Variants in ZFAND6 observed in about 807,000 individuals in gnomAD.
The protein encoded by ZFAND6 is zinc finger AN1-type containing 6.
In ZFAND6, 12 loss-of-function variants were observed where a neutral mutation model predicts 24.5. That is an observed-to-expected ratio of 0.49 (90% CI 0.31 to 0.79). ZFAND6 has a LOEUF of 0.79. Ranked by LOEUF, ZFAND6 falls within the 30% of genes least tolerant of loss-of-function variation. The pLI is 0.04. For missense variants in ZFAND6, 207 were observed against 245.9 expected (o/e 0.84, Z 1.06); for synonymous variants, 92 against 81.5 (o/e 1.13, Z -0.69).
At chr15:80,068,868 A>G (rs1343362767) in intron 1 of ZFAND6, among the ~76,000 whole-genome samples, 1 of 152,264 alleles carries the variant, frequency 6.6e-6, no homozygotes, top group East Asian at 1.9e-4. Flanking sequence ...GTACAGTGGT[A>G]GGGACTATAT....
intron 1 of ZFAND6, among the ~76,000 whole-genome samples, chr15:80,092,795 T>C (rs903082331): frequency 2.0e-5 from 3 of 152,174 alleles, no homozygotes; most frequent in African/African-American, 7.2e-5. Context: ...ATAGCTATTA[T>C]TTTGAGCATT....
intron 1 of ZFAND6, among the ~76,000 whole-genome samples, chr15:80,092,347 G>A (rs2038430638): frequency 6.7e-6 from 1 of 148,856 alleles, no homozygotes; most frequent in African/African-American, 2.5e-5. Flanking sequence ...AAAAAAAAAG[G>A]ATTGCTTGAG....
intron 6 of ZFAND6, among the ~76,000 whole-genome samples, chr15:80,131,722 A>G (rs2040614327): frequency 6.6e-6 from 1 of 152,230 alleles, no homozygotes; most frequent in South Asian, 2.1e-4. Flanking sequence ...CACAGTAAGT[A>G]ATTAATATAT....
intron 1 of ZFAND6, among the ~76,000 whole-genome samples, chr15:80,075,750 G>A (rs2037235943): frequency 6.6e-6 from 1 of 152,010 alleles, no homozygotes; most frequent in African/African-American, 2.4e-5. Context: ...GAACTGATGT[G>A]TCTATGAACT....
At chr15:80,083,596 T>C (rs1319594336) in intron 1 of ZFAND6, among the ~76,000 whole-genome samples, 1 of 152,134 alleles carries the variant, frequency 6.6e-6, no homozygotes, top group South Asian at 2.1e-4. Context: ...GAGAAAAGCG[T>C]GTTCATGGAG....
At chr15:80,073,548 A>G (rs977027677) in intron 1 of ZFAND6, among the ~76,000 whole-genome samples, 1 of 151,960 alleles carries the variant, frequency 6.6e-6, no homozygotes, top group Non-Finnish European at 1.5e-5. Context: ...TGTATTTGCT[A>G]TGCTACTTGT....
At chr15:80,134,024 T>C (rs1358138386) in intron 6 of ZFAND6, among the ~76,000 whole-genome samples, 2 of 151,776 alleles carry the variant, frequency 1.3e-5, no homozygotes, top group Non-Finnish European at 2.9e-5. Flanking sequence ...TTTCACTCTT[T>C]TCGCCTAGGC....
intron 6 of ZFAND6, among the ~76,000 whole-genome samples, chr15:80,132,838 A>C (rs1422115698): frequency 1.3e-5 from 2 of 152,070 alleles, no homozygotes; most frequent in Non-Finnish European, 2.9e-5. Flanking sequence ...ATTGCTTGGT[A>C]TGTACCATAG....
chr15:80,135,341 C>G (rs1444058148), intron 6 of ZFAND6, among the ~76,000 whole-genome samples: 1 of 152,116 alleles, frequency 6.6e-6, no homozygotes, highest in East Asian at 1.9e-4. Flanking sequence ...ATTAATAGCT[C>G]AAATTTTGAG....
At chr15:80,062,086 GA>G (rs2036365392) in intron 1 of ZFAND6, among the ~76,000 whole-genome samples, 1 of 152,106 alleles carries the variant, frequency 6.6e-6, no homozygotes, top group Admixed American at 6.5e-5. Flanking sequence ...TAGTATAGTA[GA>G]AAAAACGCTG....
intron 2 of ZFAND6, among the ~76,000 whole-genome samples, chr15:80,108,735 G>GTTTTTTTT (rs57835137): frequency 6.6e-6 from 1 of 151,068 alleles, no homozygotes; most frequent in Non-Finnish European, 1.5e-5. Flanking sequence ...TTGTTTTTTT[G>GTTTTTTTT]TTTTTTTTCT....
At chr15:80,131,690 A>G (rs1254156779) in intron 6 of ZFAND6, among the ~76,000 whole-genome samples, 1 of 152,214 alleles carries the variant, frequency 6.6e-6, no homozygotes, top group Non-Finnish European at 1.5e-5. Flanking sequence ...AAGACATGTA[A>G]GCAGTTAGCC....
chr15:80,131,098 A>G, intron 5 of ZFAND6, 82 bp from the exon 6 acceptor site: 1 of 1,056,888 alleles, frequency 9.5e-7, no homozygotes. Flanking sequence ...TATCCTCTGA[A>G]TAATAGACTA....
chr15:80,061,870 G>A (rs1721962275), intron 1 of ZFAND6, among the ~76,000 whole-genome samples: 1 of 152,148 alleles, frequency 6.6e-6, no homozygotes, highest in Non-Finnish European at 1.5e-5. Flanking sequence ...GAATTACTTA[G>A]AAATAAGATG....
At chr15:80,072,275 A>G (rs967076151) in intron 1 of ZFAND6, among the ~76,000 whole-genome samples, 4 of 152,106 alleles carry the variant, frequency 2.6e-5, no homozygotes, top group African/African-American at 4.8e-5. Context: ...ATTTTAAACA[A>G]TTGGTCACAG....
At chr15:80,067,801 G>A (rs2036732780) in intron 1 of ZFAND6, among the ~76,000 whole-genome samples, 1 of 152,010 alleles carries the variant, frequency 6.6e-6, no homozygotes, top group African/African-American at 2.4e-5. Flanking sequence ...ATTGAGATAT[G>A]GCAAGTCTGA....
chr15:80,064,844 A>G (rs2036527372), intron 1 of ZFAND6, among the ~76,000 whole-genome samples: 1 of 151,836 alleles, frequency 6.6e-6, no homozygotes, highest in Admixed American at 6.6e-5. Flanking sequence ...GTTGCCCAGA[A>G]TGGTTTCAAA....
chr15:80,120,960 C>T (rs186087191), intron 3 of ZFAND6, among the ~76,000 whole-genome samples: 1 of 152,192 alleles, frequency 6.6e-6, no homozygotes, highest in African/African-American at 2.4e-5. Flanking sequence ...GATGTTCAAC[C>T]CCAGTTCACT....
chr15:80,081,900 G>A (rs1214692968), intron 1 of ZFAND6, among the ~76,000 whole-genome samples: 2 of 152,180 alleles, frequency 1.3e-5, no homozygotes, highest in Non-Finnish European at 2.9e-5. Context: ...TGGGAAGAAA[G>A]ATAAGCCAAG....
Sources: gnomAD v4.1 joint callset for allele counts (sites outside exome capture counted in the v4.1 genomes callset) on GRCh38, gnomAD v4.1.1 for gene constraint, MANE v1.5 for transcripts, NCBI Gene and HGNC (gene_info 2026-07-23, HGNC 2026-07-21) for gene names.